SLC39A11: variants seen among roughly 807,000 people sequenced by gnomAD.
SLC39A11 encodes the protein zinc transporter ZIP11.
Under a neutral mutation model 36.1 loss-of-function variants are expected in SLC39A11, and 33 were observed. The ratio of observed to expected loss-of-function variants is 0.91; its 90% CI spans 0.69 to 1.22. SLC39A11 has a LOEUF of 1.22. SLC39A11 is among the 50% of genes most tolerant of loss of function. The pLI is 0.00. For missense variants in SLC39A11, 432 were observed against 430.3 expected (o/e 1.00, Z -0.03); for synonymous variants, 166 against 170.3 (o/e 0.97, Z 0.20).
At chr17:72,701,338 G>A (rs2072606936) in intron 7 of SLC39A11, among the ~76,000 whole-genome samples, 1 of 152,220 alleles carries the variant, frequency 6.6e-6, no homozygotes, top group Non-Finnish European at 1.5e-5. Flanking sequence ...CAAGGACGTG[G>A]TGTTGAGGGA....
At chr17:72,680,427 T>A (rs2071462409) in intron 7 of SLC39A11, among the ~76,000 whole-genome samples, 1 of 152,206 alleles carries the variant, frequency 6.6e-6, no homozygotes, top group Non-Finnish European at 1.5e-5. Context: ...AGTAATTGAA[T>A]CATGGGGGTA....
At chr17:73,048,569 G>C (rs2059395471) in intron 3 of SLC39A11, among the ~76,000 whole-genome samples, 1 of 152,074 alleles carries the variant, frequency 6.6e-6, no homozygotes, top group Non-Finnish European at 1.5e-5. Flanking sequence ...GGGATTGCTG[G>C]GTCAAACGGT....
At chr17:72,684,937 C>G (rs544681463) in intron 7 of SLC39A11, among the ~76,000 whole-genome samples, 5 of 152,294 alleles carry the variant, frequency 3.3e-5, no homozygotes, top group African/African-American at 9.6e-5. Context: ...AGCTCATAGG[C>G]CATGTGGCAA....
intron 6 of SLC39A11, among the ~76,000 whole-genome samples, chr17:72,753,889 C>CAAAAAAAAAAAAAAAAAAA (rs35076559): frequency 1.9e-5 from 1 of 51,930 alleles, no homozygotes; most frequent in African/African-American, 6.6e-5. Context: ...AGTCATTATA[C>CAAAAAAAAAAAAAAAAAAA]AAAAAAAAAA....
chr17:73,089,518 C>T (rs1251915054), intron 1 of SLC39A11, among the ~76,000 whole-genome samples: 4 of 152,194 alleles, frequency 2.6e-5, no homozygotes, highest in African/African-American at 9.7e-5. Flanking sequence ...AACCTCACGA[C>T]CAAGGCTTTT....
intron 5 of SLC39A11, among the ~76,000 whole-genome samples, chr17:72,883,281 C>T (rs769365200): frequency 2.6e-5 from 4 of 152,302 alleles, no homozygotes; most frequent in Non-Finnish European, 5.9e-5. Flanking sequence ...TCTACCTACC[C>T]TCACAGGCCT....
chr17:72,816,396 A>G (rs572232391), intron 6 of SLC39A11, among the ~76,000 whole-genome samples: 21 of 147,930 alleles, frequency 1.4e-4, no homozygotes, highest in African/African-American at 4.6e-4. Flanking sequence ...CCTGCCAGGG[A>G]AAAAAAAAAC....
chr17:72,987,060 G>T (rs941848301), intron 4 of SLC39A11, among the ~76,000 whole-genome samples: 1 of 152,166 alleles, frequency 6.6e-6, no homozygotes, highest in African/African-American at 2.4e-5. Context: ...CCTCATGAAT[G>T]GTTTGTTGCC....
chr17:73,033,097 T>G (rs2058790226), intron 3 of SLC39A11, among the ~76,000 whole-genome samples: 1 of 152,180 alleles, frequency 6.6e-6, no homozygotes, highest in Non-Finnish European at 1.5e-5. Context: ...GCTCACAACC[T>G]AGATCCGTGG....
chr17:72,853,007 T>TTTAATTGA (rs56332942), intron 5 of SLC39A11, among the ~76,000 whole-genome samples: 155 of 151,490 alleles, frequency 1.0e-3, no homozygotes, highest in African/African-American at 2.7e-3. Context: ...CTTGCAGACT[T>TTTAATTGA]TTGATTGATT....
At chr17:72,962,331 G>A (rs186878057) in intron 4 of SLC39A11, among the ~76,000 whole-genome samples, 6 of 152,326 alleles carry the variant, frequency 3.9e-5, no homozygotes, top group Non-Finnish European at 8.8e-5. Flanking sequence ...TAGGTCCTCT[G>A]CTCAGAGTCC....
chr17:72,769,042 G>A (rs1178331865), intron 6 of SLC39A11, among the ~76,000 whole-genome samples: 2 of 152,180 alleles, frequency 1.3e-5, no homozygotes, highest in Non-Finnish European at 2.9e-5. Context: ...TTATAGGCGT[G>A]AGCCACTGCG....
At chr17:72,744,118 T>C (rs2074831332) in intron 6 of SLC39A11, among the ~76,000 whole-genome samples, 1 of 152,196 alleles carries the variant, frequency 6.6e-6, no homozygotes, top group African/African-American at 2.4e-5. Flanking sequence ...TGGGCTTTGG[T>C]TGAGATAAAC....
At chr17:73,074,458 C>T (rs1438732381) in intron 3 of SLC39A11, among the ~76,000 whole-genome samples, 2 of 151,982 alleles carry the variant, frequency 1.3e-5, no homozygotes, top group Admixed American at 1.3e-4. Flanking sequence ...CCACCACGCC[C>T]GGCTAATTTT....
chr17:72,932,722 C>T (rs1567976353), intron 5 of SLC39A11, among the ~76,000 whole-genome samples: 1 of 152,066 alleles, frequency 6.6e-6, no homozygotes, highest in Non-Finnish European at 1.5e-5. Context: ...AGAATAACAA[C>T]TAACATTCAT....
At chr17:72,800,058 C>T (rs918678989) in intron 6 of SLC39A11, among the ~76,000 whole-genome samples, 9 of 151,692 alleles carry the variant, frequency 5.9e-5, no homozygotes, top group Non-Finnish European at 7.4e-5. Context: ...CTCAGCCGGC[C>T]GACACTTATG....
chr17:72,889,062 G>C (rs1170173041), intron 5 of SLC39A11, among the ~76,000 whole-genome samples: 2 of 151,954 alleles, frequency 1.3e-5, no homozygotes, highest in Admixed American at 6.6e-5. Context: ...CTGAATACAG[G>C]GCAAATCTCT....
At chr17:72,978,786 G>A (rs1259592523) in intron 4 of SLC39A11, among the ~76,000 whole-genome samples, 1 of 152,154 alleles carries the variant, frequency 6.6e-6, no homozygotes, top group Non-Finnish European at 1.5e-5. Context: ...GGTGCCAACA[G>A]CACTTGTTCA....
chr17:72,820,262 GA>G, intron 6 of SLC39A11, among the ~76,000 whole-genome samples: 1 of 151,286 alleles, frequency 6.6e-6, no homozygotes, highest in Non-Finnish European at 1.5e-5. Flanking sequence ...TCTGGATGTT[GA>G]AACTGTCTTC....
Sources: gnomAD v4.1 joint callset for allele counts (sites outside exome capture counted in the v4.1 genomes callset) on GRCh38, gnomAD v4.1.1 for gene constraint, MANE v1.5 for transcripts, NCBI Gene and HGNC (gene_info 2026-07-23, HGNC 2026-07-21) for gene names.